Variants in LARGE1 observed in about 807,000 individuals in gnomAD.
LARGE1 encodes the protein xylosyl- and glucuronyltransferase LARGE1.
Under a neutral mutation model 87.6 loss-of-function variants are expected in LARGE1, and 43 were observed. The observed-to-expected ratio is 0.49, with a 90% CI of 0.38 to 0.63. The LOEUF is 0.63. Ranked by LOEUF, LARGE1 falls within the 30% of genes least tolerant of loss-of-function variation. The probability of loss-of-function intolerance (pLI) is 0.00; values close to 1 mark genes in which losing one functional copy is unlikely to be tolerated. For synonymous variants in LARGE1, 434 were observed against 394.6 expected (o/e 1.10, Z -1.18); for missense variants, 802 against 1,000.2 (o/e 0.80, Z 2.67).
At chr22:33,622,814 A>G (rs1469195488) in intron 4 of LARGE1, among the ~76,000 whole-genome samples, 1 of 152,240 alleles carries the variant, frequency 6.6e-6, no homozygotes, top group Non-Finnish European at 1.5e-5. Context: ...TTTTCGTAGC[A>G]CATACTAAGG....
chr22:33,573,875 A>G lies in LARGE1; in HGVS notation c.616-8856T>C, dbSNP rs1331124103. Among the ~76,000 whole-genome samples the G allele has an allele frequency of 2.6e-5, 4 of 152,190 alleles. No homozygotes were observed. In the South Asian group the frequency reaches 6.2e-4, roughly 24 times the overall value. ...GCCCGGCAGTTGATGCCAGCTATCA[A>G]TAAGAAGGCTCACGTTTTTGCCACT... On this transcript the variant is annotated intron_variant, in intron 5 of 14. Transcript: ENST00000397394.
chr22:33,806,367 A>C (rs568873493), intron 1 of LARGE1, among the ~76,000 whole-genome samples: 1 of 152,304 alleles, frequency 6.6e-6, no homozygotes, highest in Admixed American at 6.5e-5. Context: ...GCTGCAGTCC[A>C]AAAGTCTGGC....
chr22:33,457,293 CTTTTTTTTTTTTTTTTT>C (rs759460321), intron 6 of LARGE1, among the ~76,000 whole-genome samples: 5 of 74,922 alleles, frequency 6.7e-5, no homozygotes, highest in East Asian at 7.4e-4. Context: ...ACGCCTGGCT[CTTTTTTTTTTTTTTTTT>C]TTTTTTTTTT....
intron 6 of LARGE1, among the ~76,000 whole-genome samples, chr22:33,466,404 A>G (rs949890369): frequency 6.7e-6 from 1 of 150,328 alleles, no homozygotes; most frequent in African/African-American, 2.5e-5. Flanking sequence ...TCATACTTGA[A>G]CACCCAGGCT....
intron 6 of LARGE1, among the ~76,000 whole-genome samples, chr22:33,554,936 C>T (rs2077631373): frequency 6.6e-6 from 1 of 152,198 alleles, no homozygotes; most frequent in Non-Finnish European, 1.5e-5. Context: ...AGGCATAAAA[C>T]AGACAAAGAT....
chr22:33,091,061 C>T, the LARGE1 span, among the ~76,000 whole-genome samples: 8 of 152,308 alleles, frequency 5.3e-5, no homozygotes, highest in South Asian at 1.0e-3. Flanking sequence ...TTCCTCATGA[C>T]AGCCCTTCAA....
the LARGE1 span, among the ~76,000 whole-genome samples, chr22:33,100,215 G>A: frequency 6.6e-6 from 1 of 151,824 alleles, no homozygotes; most frequent in Non-Finnish European, 1.5e-5. Context: ...AGGCATGGGG[G>A]TGTATGCCTG....
intron 2 of LARGE1, among the ~76,000 whole-genome samples, chr22:33,711,211 G>A (rs1037095287): frequency 1.3e-5 from 2 of 152,188 alleles, no homozygotes; most frequent in African/African-American, 4.8e-5. Context: ...CTATGCAAGA[G>A]CAAGGGGTGG....
intron 10 of LARGE1, among the ~76,000 whole-genome samples, chr22:33,320,183 C>T (rs2146346772): frequency 6.6e-6 from 1 of 152,238 alleles, no homozygotes; most frequent in Admixed American, 6.5e-5. Context: ...TTACGGGCTG[C>T]TCTCTCTGAC....
chr22:33,865,583 G>GGT (rs2064069376), intron 1 of LARGE1, among the ~76,000 whole-genome samples: 2 of 152,102 alleles, frequency 1.3e-5, no homozygotes, highest in South Asian at 4.1e-4. Flanking sequence ...TCCTTTCCAT[G>GGT]GTGATATCCC....
At chr22:33,557,848 C>A (rs988028429) in intron 6 of LARGE1, among the ~76,000 whole-genome samples, 1 of 151,750 alleles carries the variant, frequency 6.6e-6, no homozygotes, top group Non-Finnish European at 1.5e-5. Context: ...ATTATGGGCA[C>A]GAGCCACTAA....
At chr22:33,166,855 A>G (rs1922302667) in intron 11 of LARGE1, 1 of 471,170 alleles carries the variant, frequency 2.1e-6, no homozygotes, top group African/African-American at 2.0e-5. Context: ...GAGAATGAGA[A>G]AGGGTTGATT....
intron 10 of LARGE1, among the ~76,000 whole-genome samples, chr22:33,334,240 C>T (rs968465333): frequency 1.3e-5 from 2 of 151,772 alleles, no homozygotes; most frequent in Non-Finnish European, 1.5e-5. Context: ...ATGGTGAAAC[C>T]CTGTGTCTAC....
intron 11 of LARGE1, among the ~76,000 whole-genome samples, chr22:33,259,091 G>A (rs1038476848): frequency 6.6e-6 from 1 of 152,050 alleles, no homozygotes; most frequent in Non-Finnish European, 1.5e-5. Flanking sequence ...TGTTGGCCAG[G>A]ATGGTCTTGA....
chr22:33,135,696 C>T, the LARGE1 span, among the ~76,000 whole-genome samples: 13 of 152,150 alleles, frequency 8.5e-5, no homozygotes, highest in East Asian at 3.9e-4. Flanking sequence ...AAAAATTAGC[C>T]GGGCACGGTG....
intron 11 of LARGE1, among the ~76,000 whole-genome samples, 198 bp from the exon 12 acceptor site, chr22:33,304,705 C>G (rs1569034132): frequency 6.6e-6 from 1 of 152,188 alleles, no homozygotes; most frequent in African/African-American, 2.4e-5. Flanking sequence ...TCTCATCTTT[C>G]CCTGCTTCCA....
At chr22:33,141,134 A>G in the LARGE1 span, among the ~76,000 whole-genome samples, 1 of 151,778 alleles carries the variant, frequency 6.6e-6, no homozygotes, top group Non-Finnish European at 1.5e-5. Context: ...GGAAAAAATT[A>G]TTTACACTCT....
At chr22:33,190,657 T>A (rs1450639194) in intron 11 of LARGE1, among the ~76,000 whole-genome samples, 1 of 151,894 alleles carries the variant, frequency 6.6e-6, no homozygotes, top group African/African-American at 2.4e-5. Flanking sequence ...CTGGGAGGGG[T>A]CCGATCAGTT....
chr22:33,282,333 G>A (rs768797495), intron 13 of LARGE1, among the ~76,000 whole-genome samples: 2 of 152,058 alleles, frequency 1.3e-5, no homozygotes, highest in African/African-American at 2.4e-5. Flanking sequence ...CAATAAAAGC[G>A]AAGCTCTGTC....
Sources: gnomAD v4.1 joint callset for allele counts (sites outside exome capture counted in the v4.1 genomes callset) on GRCh38, gnomAD v4.1.1 for gene constraint, MANE v1.5 for transcripts, NCBI Gene and HGNC (gene_info 2026-07-23, HGNC 2026-07-21) for gene names.